The following DCUN1D3 variants were observed in gnomAD, a reference collection of about 807,000 sequenced individuals.
The protein encoded by DCUN1D3 is defective in cullin neddylation 1 domain containing 3, also known as DCN1-like protein 3.
DCUN1D3 carries 6 observed loss-of-function variants against 24.8 expected under a neutral mutation model. That is an observed-to-expected ratio of 0.24 (90% CI 0.13 to 0.48). The LOEUF (loss-of-function observed/expected upper bound fraction) is 0.48, where lower values mean the gene tolerates loss of function less well. DCUN1D3 is among the 20% of genes least tolerant of loss of function. DCUN1D3 has a pLI of 0.99. For missense variants in DCUN1D3, 258 were observed against 379.4 expected (o/e 0.68, Z 2.66); for synonymous variants, 120 against 144.9 (o/e 0.83, Z 1.24).
rs34275241 is a variant in DCUN1D3, at chr16:20,880,604, CAAAAAAAAAAAAAAA to C, written c.-105-17976_-105-17962del. On this transcript the variant is annotated intron_variant, in intron 1 of 2. Coordinates refer to ENST00000324344, the MANE Select transcript of DCUN1D3 (RefSeq NM_173475.4). ...AGGGTGACAGAGTAAGACCCTGTCT[CAAAAAAAAAAAAAAA>C]AAAAAAAAAACAGAAAAAAGAAAAA... Among the ~76,000 whole-genome samples the C allele has an allele frequency of 9.6e-5, 5 of 51,924 alleles. No homozygotes were observed. In the Admixed American group the frequency reaches 1.6e-3, roughly 17 times the overall value. The allele number at this position is 51,924 out of a possible 152,430, so 34.1% of individuals were successfully genotyped here.
intron 1 of DCUN1D3, among the ~76,000 whole-genome samples, chr16:20,879,738 C>A (rs1192104570): frequency 2.0e-5 from 3 of 152,140 alleles, no homozygotes; most frequent in African/African-American, 7.2e-5. Flanking sequence ...AAAGACCTCC[C>A]CAAAGGATTT....
chr16:20,859,133 T>G lies in DCUN1D3; in HGVS notation c.*753A>C, dbSNP rs1467122902. The G allele has an allele frequency of 6.6e-6, 1 of 152,664 alleles. No individual in the cohort carries two copies. The highest frequency in any genetic ancestry group is 1.5e-5 in the Non-Finnish European group (1 of 68,044). The allele number at this position is 152,664 out of a possible 1,614,324, so 9.5% of individuals were successfully genotyped here. A position where few individuals can be genotyped will look rare whatever the true frequency, so the allele number is the denominator to read the frequency against. ...CAATGTGTTCTTAAAAAATGCTCAC[T>G]TGACTGACAGGTGCAGCATGTTGAT... On this transcript the variant is annotated 3_prime_UTR_variant, in exon 3 of 3. Coordinates refer to ENST00000324344, the MANE Select transcript of DCUN1D3 (RefSeq NM_173475.4).
rs1159614585 is a variant in DCUN1D3 at position 20,860,251 on chromosome 16, G to A, written c.550C>T (p.Arg184Trp). The change falls in exon 3 of 3, where the codon CGG becomes TGG. Residue 184 changes from arginine (R) to tryptophan (W), a missense_variant. Transcript: ENST00000324344. This position sits in a 1 kb window ranked among gnomAD's most constrained non-coding sequence, Gnocchi z 4.3. The part of the protein sequence containing the change: ...KQEDKFKDLY[R>W]FTFQFGLDSE... ...TCCAGGCCAAACTGAAATGTAAACC[G>A]GTAGAGATCCTTGAATTTATCCTCT... The A allele has an allele frequency of 1.2e-6, 2 of 1,614,186 alleles. No homozygotes were observed. The highest frequency in any genetic ancestry group is 1.7e-6 in the Non-Finnish European group (2 of 1,180,040).
chr16:20,879,906 T>C (rs114601460), intron 1 of DCUN1D3, among the ~76,000 whole-genome samples: 1,951 of 152,332 alleles, frequency 0.013, 56 homozygotes, highest in African/African-American at 0.044. Flanking sequence ...ATCTTTCTCA[T>C]TGCAAATCAA....
intron 1 of DCUN1D3, among the ~76,000 whole-genome samples, chr16:20,898,928 C>T (rs370351360): frequency 1.3e-5 from 2 of 152,140 alleles, no homozygotes; most frequent in African/African-American, 2.4e-5. Flanking sequence ...AACAAAGAGG[C>T]CTTCTTTCCA....
intron 1 of DCUN1D3, among the ~76,000 whole-genome samples, chr16:20,885,642 A>T (rs2081864993): frequency 6.6e-6 from 1 of 152,120 alleles, no homozygotes; most frequent in South Asian, 2.1e-4. Flanking sequence ...TTTTACTGAA[A>T]AAGCAAGTGC....
intron 1 of DCUN1D3, among the ~76,000 whole-genome samples, chr16:20,893,803 A>G (rs1225450738): frequency 6.6e-6 from 1 of 152,242 alleles, no homozygotes; most frequent in Non-Finnish European, 1.5e-5. Context: ...AATTAACAGC[A>G]TTCAAAGTAG....
At position 20,860,145 on chromosome 16, in the gene DCUN1D3, G is replaced by A. The variant is rs748783398; in HGVS notation, c.656C>T (p.Pro219Leu). Residue 219 changes from proline to leucine, a missense_variant, in exon 3 of 3, where the codon CCG (proline) becomes CTG (leucine). Pro to Leu is a moderately conservative substitution (Grantham distance 98). Coordinates refer to ENST00000324344, the MANE Select transcript of DCUN1D3 (RefSeq NM_173475.4). The surrounding 1 kb of genome is among the most constrained non-coding windows in gnomAD (Gnocchi z 4.3). Reference sequence around the variant, plus strand: ...GAAGTTTAGCCATTGGTCCAATACCGGAGGATTGTTCTGGGTAAAGACTAG... The same window carrying A: ...GAAGTTTAGCCATTGGTCCAATACCAGAGGATTGTTCTGGGTAAAGACTAG... ...WKLVFTQNNP[P>L]VLDQWLNFLT... 12 of 1,614,244 alleles carry A rather than the reference G, an allele frequency of 7.4e-6. No individual in the cohort carries two copies. The highest frequency in any genetic ancestry group is 1.7e-5 in the Admixed American group (1 of 60,030).
At chr16:20,865,197 T>C (rs1372846656) in intron 1 of DCUN1D3, among the ~76,000 whole-genome samples, 1 of 150,236 alleles carries the variant, frequency 6.7e-6, no homozygotes, top group Non-Finnish European at 1.5e-5. Flanking sequence ...GCTCAGGATA[T>C]TCAGAAAAAA....
chr16:20,892,762 G>A (rs1011112798), intron 1 of DCUN1D3, among the ~76,000 whole-genome samples: 16 of 151,784 alleles, frequency 1.1e-4, no homozygotes, highest in Admixed American at 7.2e-4. Context: ...GTTTGGGGGG[G>A]AAAAAAAGAA....
rs1292995137 is a variant in DCUN1D3, at chr16:20,858,951, G to C, written c.*935C>G. The C allele has an allele frequency of 2.1e-5, 3 of 143,440 alleles. No homozygotes were observed. The highest frequency in any genetic ancestry group is 4.6e-5 in the Non-Finnish European group (3 of 65,810). The allele number at this position is 143,440 out of a possible 1,614,324, so 8.9% of individuals were successfully genotyped here. Reference sequence around the variant, plus strand: ...CCAGGAACAGAAACTTTGGCTCCAAGGCAAATGAAACAAACAAACAAAAAA... The same window carrying C: ...CCAGGAACAGAAACTTTGGCTCCAACGCAAATGAAACAAACAAACAAAAAA... On this transcript the variant is annotated 3_prime_UTR_variant, in exon 3 of 3. Coordinates refer to ENST00000324344, the MANE Select transcript of DCUN1D3 (RefSeq NM_173475.4).
Position 20,892,283 on chromosome 16 carries a change from C to A in DCUN1D3, c.-106+7921G>T, listed in dbSNP as rs546289418. The stretch of plus-strand genomic sequence containing the variant: ...TAGACACACAGCATTCACTCTATCA[C>A]TCCTCACTCTCTAATTCCACTTACT... On this transcript the variant is annotated intron_variant, in intron 1 of 2. Transcript: ENST00000324344. 3.3e-5 allele frequency among the ~76,000 whole-genome samples: 5 copies of A among 152,312 alleles called. No homozygotes were observed. In the East Asian group the frequency reaches 9.7e-4, roughly 30 times the overall value.
At chr16:20,896,742 G>A (rs913252540) in intron 1 of DCUN1D3, among the ~76,000 whole-genome samples, 1 of 152,168 alleles carries the variant, frequency 6.6e-6, no homozygotes, top group African/African-American at 2.4e-5. Flanking sequence ...CCTTTAACCT[G>A]GGCCAAAGCC....
At chr16:20,870,999 C>T (rs1219736894) in intron 1 of DCUN1D3, among the ~76,000 whole-genome samples, 9 of 152,142 alleles carry the variant, frequency 5.9e-5, no homozygotes, top group Non-Finnish European at 1.2e-4. Flanking sequence ...CTCTGAATGA[C>T]CTGAGAAAAA....
intron 1 of DCUN1D3, among the ~76,000 whole-genome samples, chr16:20,898,375 C>A (rs1359740009): frequency 1.3e-5 from 2 of 152,190 alleles, no homozygotes; most frequent in Admixed American, 6.5e-5. Context: ...CCCCAGCTCC[C>A]ACTCCGATGT....
At chr16:20,897,014 C>G (rs146698009) in intron 1 of DCUN1D3, among the ~76,000 whole-genome samples, 184 of 152,298 alleles carry the variant, frequency 1.2e-3, no homozygotes, top group Non-Finnish European at 1.7e-3. Context: ...AATACTAGAA[C>G]CTAAAACAGG....
At chr16:20,895,424 A>G (rs1427791800) in intron 1 of DCUN1D3, among the ~76,000 whole-genome samples, 1 of 152,080 alleles carries the variant, frequency 6.6e-6, no homozygotes, top group African/African-American at 2.4e-5. Flanking sequence ...CACCACACCC[A>G]AACTGTATTA....
chr16:20,865,528 T>A (rs982507058), intron 1 of DCUN1D3, among the ~76,000 whole-genome samples: 2 of 152,182 alleles, frequency 1.3e-5, no homozygotes, highest in African/African-American at 4.8e-5. Flanking sequence ...CTTTGCCAAC[T>A]GCTATAATAA....
At chr16:20,884,075 T>C (rs1236575329) in intron 1 of DCUN1D3, among the ~76,000 whole-genome samples, 2 of 152,206 alleles carry the variant, frequency 1.3e-5, no homozygotes, top group African/African-American at 4.8e-5. Context: ...AAGAATGGCT[T>C]GTAAAGGTAC....
Sources: gnomAD v4.1 joint callset for allele counts (sites outside exome capture counted in the v4.1 genomes callset) on GRCh38, gnomAD v4.1.1 for gene constraint, Gnocchi (gnomAD v3.1) non-coding constraint, MANE v1.5 for transcripts, NCBI Gene and HGNC (gene_info 2026-07-23, HGNC 2026-07-21) for gene names.